The following SHROOM3 variants were observed in gnomAD, a reference collection of about 807,000 sequenced individuals.
SHROOM3 encodes the protein protein Shroom3.
SHROOM3 carries 47 observed loss-of-function variants against 138.6 expected under a neutral mutation model. The observed-to-expected ratio is 0.34, with a 90% CI of 0.27 to 0.43. The LOEUF (loss-of-function observed/expected upper bound fraction) is 0.43, where lower values mean the gene tolerates loss of function less well. SHROOM3 is among the 20% of genes least tolerant of loss of function. SHROOM3 has a pLI of 1.00. For missense variants in SHROOM3, 2,491 were observed against 2,596.5 expected, an observed-to-expected ratio of 0.96 and a Z score of 0.88; for synonymous variants, 1,062 against 1,063.3, an observed-to-expected ratio of 1.00 and a Z score of 0.02.
At chr4:76,476,229 C>G (rs1037865565) in intron 1 of SHROOM3, among the ~76,000 whole-genome samples, 1 of 152,092 alleles carries the variant, frequency 6.6e-6, no homozygotes, top group African/African-American at 2.4e-5. Context: ...TTTGAAAACC[C>G]TTTGTTTTGA....
rs181532411 is a variant in SHROOM3 at position 76,599,282 on chromosome 4, C to T, written c.323+43519C>T. ...CTTCAGTAGTAGCTTTTGAGACAGA[C>T]GAAAAACACCTTGATCCTTAGTTGT... On this transcript the variant is annotated intron_variant, in intron 2 of 10. Coordinates refer to ENST00000296043, the MANE Select transcript of SHROOM3 (RefSeq NM_020859.4). Among the ~76,000 whole-genome samples the T allele has an allele frequency of 3.7e-4, 56 of 152,014 alleles. No individual in the cohort carries two copies. In the East Asian group the frequency reaches 8.1e-3, roughly 22 times the overall value.
intron 2 of SHROOM3, among the ~76,000 whole-genome samples, chr4:76,561,686 T>TAAAAAA (rs549046211): frequency 2.6e-4 from 23 of 89,372 alleles, no homozygotes; most frequent in African/African-American, 1.0e-3. Context: ...TCTGTGATGC[T>TAAAAAA]AAAAAAAAAA....
chr4:76,693,374 T>TTTTTTG (rs1223926258), intron 2 of SHROOM3, among the ~76,000 whole-genome samples: 6 of 121,848 alleles, frequency 4.9e-5, no homozygotes, highest in Non-Finnish European at 8.1e-5. Flanking sequence ...AAGTTTGTTT[T>TTTTTTG]TTTTTTTTTT....
rs368425286 is a variant in SHROOM3 at position 76,741,859 on chromosome 4, C to G, written c.3686C>G (p.Ser1229Trp). 3.8e-5 allele frequency: 61 copies of G among 1,610,854 alleles called. No individual in the cohort carries two copies. Among genetic ancestry groups the G allele is most frequent in the Non-Finnish European group, 5.1e-5 (60 of 1,179,440 alleles). Residue 1229 changes from serine to tryptophan, a missense_variant, in exon 5 of 11, where the codon TCG becomes TGG. Around this residue, in one of 4 missense-constraint regions of SHROOM3, gnomAD observed 1,733 missense variants for 1,661.6 expected, o/e 1.04. Transcript: ENST00000296043. The surrounding 1 kb of genome is among the most constrained non-coding windows in gnomAD (Gnocchi z 6.2). Reference protein sequence around the residue: ...SMSAEDLLERSDVLAGPVHVR... With the variant: ...SMSAEDLLERWDVLAGPVHVR... ...TCGGCCGAGGACCTGCTGGAACGCT[C>G]GGACGTCCTTGCGGGCCCTGTCCAT...
At chr4:76,701,156 G>A (rs1560595677) in intron 2 of SHROOM3, among the ~76,000 whole-genome samples, 1 of 152,172 alleles carries the variant, frequency 6.6e-6, no homozygotes, top group Non-Finnish European at 1.5e-5. Flanking sequence ...TCTTGTAGGG[G>A]CAGGAATGCT....
At position 76,761,362 on chromosome 4, in the gene SHROOM3, G is replaced by A. The variant is rs368671029; in HGVS notation, c.5349+1667G>A. On this transcript the variant is annotated intron_variant, in intron 9 of 10. Transcript: ENST00000296043. Reference sequence around the variant, plus strand: ...ATAGAGAATTCATCCATCCTCACGGGAAACAACATTAGGTAGTATGTATTT... The same window carrying A: ...ATAGAGAATTCATCCATCCTCACGGAAAACAACATTAGGTAGTATGTATTT... Among the ~76,000 whole-genome samples, 7 of 152,300 alleles carry A rather than the reference G, an allele frequency of 4.6e-5. No individual in the cohort carries two copies. In the South Asian group the frequency reaches 8.3e-4, roughly 18 times the overall value.
At chr4:76,685,137 G>A (rs1356872679) in intron 2 of SHROOM3, among the ~76,000 whole-genome samples, 1 of 152,150 alleles carries the variant, frequency 6.6e-6, no homozygotes, top group African/African-American at 2.4e-5. Flanking sequence ...AACAATCTAT[G>A]TTTCAAGTGT....
chr4:76,741,994 C>G lies in SHROOM3; in HGVS notation c.3753+68C>G. 1 of 1,563,816 alleles carries G rather than the reference C, an allele frequency of 6.4e-7. No individual in the cohort carries two copies. The highest frequency in any genetic ancestry group is 8.7e-7 in the Non-Finnish European group (1 of 1,149,712). ...TCCCTAGAAGCTTTAGTGGGGCTCC[C>G]CAACCCCCCACACTCTCACCCGCTC... On this transcript the variant is annotated intron_variant, in intron 5 of 10. Transcript: ENST00000296043. The surrounding 1 kb of genome is among the most constrained non-coding windows in gnomAD (Gnocchi z 6.2).
chr4:76,744,742 A>G (rs144924863), intron 5 of SHROOM3, among the ~76,000 whole-genome samples: 436 of 152,320 alleles, frequency 2.9e-3, no homozygotes, highest in Admixed American at 5.5e-3. Context: ...CACAATGTGG[A>G]GTGTGTTTCT....
At chr4:76,729,078 TCTTA>T (rs1177965129) in intron 3 of SHROOM3, among the ~76,000 whole-genome samples, 1 of 152,178 alleles carries the variant, frequency 6.6e-6, no homozygotes, top group Non-Finnish European at 1.5e-5. Flanking sequence ...TTTATTGAGC[TCTTA>T]CTATGGGCCA....
chr4:76,756,307 A>C, intron 7 of SHROOM3, 142 bp from the exon 8 acceptor site: 1 of 963,876 alleles, frequency 1.0e-6, no homozygotes, highest in Non-Finnish European at 1.5e-6. Context: ...TGTCAGTAAC[A>C]TGTGGAAGAT....
intron 2 of SHROOM3, among the ~76,000 whole-genome samples, chr4:76,646,248 A>ATATATATG (rs1491297588): frequency 1.6e-4 from 23 of 141,066 alleles, no homozygotes; most frequent in Non-Finnish European, 3.1e-4. Flanking sequence ...ATATATATAT[A>ATATATATG]AAATTAAAAA....
In SHROOM3 at chr4:76,740,602, G is replaced by A. The variant is rs139566839; in HGVS notation, c.2429G>A (p.Arg810Lys). 1.1e-4 allele frequency: 175 copies of A among 1,614,048 alleles called. No homozygotes were observed. The highest frequency in any genetic ancestry group is 1.5e-4 in the Non-Finnish European group (172 of 1,180,030). Reference protein sequence around the residue: ...VGGSGFGHNYRPHRTVSTSST... With the variant: ...VGGSGFGHNYKPHRTVSTSST... ...GGCTCTGGTTTTGGCCATAACTATAGGCCCCACAGGACCGTCTCAACTTCC... is the reference window on the plus strand; with the variant it reads ...GGCTCTGGTTTTGGCCATAACTATAAGCCCCACAGGACCGTCTCAACTTCC... The change falls in exon 5 of 11, where the codon AGG becomes AAG. Residue 810 changes from arginine (R) to lysine (K), a missense_variant. By Grantham distance (26) the Arg-to-Lys change is conservative. Around this residue, in one of 4 missense-constraint regions of SHROOM3, gnomAD observed 1,733 missense variants for 1,661.6 expected, o/e 1.04. Transcript: ENST00000296043. The surrounding 1 kb of genome is among the most constrained non-coding windows in gnomAD (Gnocchi z 4.0).
At chr4:76,690,738 AG>A (rs2110107779) in intron 2 of SHROOM3, among the ~76,000 whole-genome samples, 1 of 152,288 alleles carries the variant, frequency 6.6e-6, no homozygotes, top group South Asian at 2.1e-4. Flanking sequence ...GTTGCAGAAA[AG>A]GTGTAATATA....
At position 76,754,416 on chromosome 4, in the gene SHROOM3, C is replaced by T. The variant is rs754362155; in HGVS notation, c.3933C>T (p.Ser1311=). The T allele has an allele frequency of 1.2e-5, 20 of 1,614,162 alleles. No individual in the cohort carries two copies. The highest frequency in any genetic ancestry group is 1.7e-5 in the Admixed American group (1 of 60,026). ...GCTGCAAAGCCATTGGTGATTCCTCCGTTCCTAGTGAATGTCCTGGAACCC... is the reference window on the plus strand; with the variant it reads ...GCTGCAAAGCCATTGGTGATTCCTCTGTTCCTAGTGAATGTCCTGGAACCC... ...GSGCKAIGDS[S]VPSECPGTLD... is the part of the protein sequence containing the mutation. Residue 1311 remains serine, a synonymous_variant, in exon 7 of 11, where the codon TCC becomes TCT. Coordinates refer to ENST00000296043, the MANE Select transcript of SHROOM3 (RefSeq NM_020859.4).
At chr4:76,484,941 G>A (rs1731697392) in intron 1 of SHROOM3, among the ~76,000 whole-genome samples, 1 of 152,070 alleles carries the variant, frequency 6.6e-6, no homozygotes. Context: ...TTTCTGCTCT[G>A]CCCACCAAAA....
chr4:76,716,534 A>T, intron 3 of SHROOM3: 7 of 426,150 alleles, frequency 1.6e-5, no homozygotes, highest in South Asian at 1.3e-4. Context: ...AAAATAACCA[A>T]CTGCCTGTTA....
intron 5 of SHROOM3, 126 bp from the exon 6 acceptor site, chr4:76,748,891 C>T (rs1721535693): frequency 1.3e-6 from 1 of 782,282 alleles, no homozygotes; most frequent in South Asian, 1.4e-5. Flanking sequence ...AAGAGTGCCA[C>T]CACGTGGCCT....
At chr4:76,599,231 A>G (rs1734453246) in intron 2 of SHROOM3, among the ~76,000 whole-genome samples, 1 of 152,092 alleles carries the variant, frequency 6.6e-6, no homozygotes, top group Non-Finnish European at 1.5e-5. Flanking sequence ...TTATATAATC[A>G]CGGTGGTTAA....
Sources: gnomAD v4.1 joint callset for allele counts (sites outside exome capture counted in the v4.1 genomes callset) on GRCh38, gnomAD v4.1.1 for gene constraint, gnomAD v4.1.1 regional missense constraint, Gnocchi (gnomAD v3.1) non-coding constraint, MANE v1.5 for transcripts, NCBI Gene and HGNC (gene_info 2026-07-23, HGNC 2026-07-21) for gene names.